The following FRMD4B variants were observed in gnomAD, a reference collection of about 807,000 sequenced individuals.
FRMD4B encodes the protein FERM domain-containing protein 4B.
In FRMD4B, 74 loss-of-function variants were observed where a neutral mutation model predicts 141.5. The observed-to-expected ratio is 0.52, with a 90% confidence interval of 0.43 to 0.63. The LOEUF (loss-of-function observed/expected upper bound fraction) is 0.63. Ranked by LOEUF, FRMD4B falls within the 30% of genes least tolerant of loss-of-function variation. The pLI is 0.00. For missense variants in FRMD4B, 1,366 were observed against 1,253.4 expected, an observed-to-expected ratio of 1.09 and a Z score of -1.36; for synonymous variants, 506 against 467.9, an observed-to-expected ratio of 1.08 and a Z score of -1.05.
At chr3:69,523,341 G>C (rs1700881786) in intron 1 of FRMD4B, among the ~76,000 whole-genome samples, 1 of 152,142 alleles carries the variant, frequency 6.6e-6, no homozygotes, top group Admixed American at 6.5e-5. Flanking sequence ...TGTAAAATAA[G>C]GTTAAGGCCC....
chr3:69,480,370 T>A (rs1328233530), intron 1 of FRMD4B, among the ~76,000 whole-genome samples: 1 of 152,164 alleles, frequency 6.6e-6, no homozygotes, highest in Admixed American at 6.5e-5. Flanking sequence ...GATGGTGATG[T>A]TCAGATGGGT....
chr3:69,515,796 A>G (rs1700747381), intron 1 of FRMD4B, among the ~76,000 whole-genome samples: 1 of 152,242 alleles, frequency 6.6e-6, no homozygotes, highest in African/African-American at 2.4e-5. Context: ...AATGGAAAAT[A>G]TAACGCCGAA....
intron 1 of FRMD4B, among the ~76,000 whole-genome samples, chr3:69,449,376 A>C (rs1447372910): frequency 1.3e-5 from 2 of 152,244 alleles, no homozygotes; most frequent in Non-Finnish European, 2.9e-5. Flanking sequence ...TTGACTTTAA[A>C]AAGGAGCTTA....
At chr3:69,517,842 AC>A (rs1284570155) in intron 1 of FRMD4B, among the ~76,000 whole-genome samples, 6 of 152,060 alleles carry the variant, frequency 3.9e-5, no homozygotes, top group African/African-American at 9.7e-5. Context: ...GGTATAAGAA[AC>A]CCCTGCTGGC....
At chr3:69,455,148 A>G (rs1286203104) in intron 1 of FRMD4B, among the ~76,000 whole-genome samples, 1 of 152,188 alleles carries the variant, frequency 6.6e-6, no homozygotes, top group African/African-American at 2.4e-5. Context: ...AGCTCTCTGT[A>G]AAACAGACCA....
intron 1 of FRMD4B, among the ~76,000 whole-genome samples, chr3:69,339,017 A>AC (rs1435161433): frequency 2.2e-4 from 33 of 151,568 alleles, no homozygotes; most frequent in African/African-American, 7.3e-4. Flanking sequence ...ATCTTTACGC[A>AC]TCCCCCGCCA....
At chr3:69,228,767 A>C (rs1160686967) in intron 7 of FRMD4B, among the ~76,000 whole-genome samples, 5 of 151,936 alleles carry the variant, frequency 3.3e-5, no homozygotes, top group Non-Finnish European at 5.9e-5. Flanking sequence ...CCAGGAGTTC[A>C]AGGCTCTAGT....
intron 2 of FRMD4B, among the ~76,000 whole-genome samples, chr3:69,409,230 C>T (rs899209533): frequency 1.3e-5 from 2 of 152,220 alleles, no homozygotes; most frequent in African/African-American, 2.4e-5. Flanking sequence ...TAGCGGATTC[C>T]GGCTCAGTCT....
intron 2 of FRMD4B, among the ~76,000 whole-genome samples, chr3:69,431,413 C>T (rs1221958689): frequency 2.6e-5 from 4 of 152,162 alleles, no homozygotes; most frequent in African/African-American, 7.2e-5. Flanking sequence ...AGTTAAAGAA[C>T]TGATATCTTC....
intron 1 of FRMD4B, among the ~76,000 whole-genome samples, chr3:69,349,048 T>A (rs1031636299): frequency 1.3e-5 from 2 of 152,256 alleles, no homozygotes; most frequent in Non-Finnish European, 2.9e-5. Context: ...TGTTTGCATA[T>A]GACATGATTG....
intron 3 of FRMD4B, among the ~76,000 whole-genome samples, chr3:69,308,825 T>C (rs1040399436): frequency 6.6e-6 from 1 of 152,178 alleles, no homozygotes. Context: ...GTTTGTAATG[T>C]CTCCCCAAAT....
At chr3:69,314,871 G>A (rs1293472463) in intron 1 of FRMD4B, among the ~76,000 whole-genome samples, 2 of 152,010 alleles carry the variant, frequency 1.3e-5, no homozygotes, top group Non-Finnish European at 2.9e-5. Context: ...TCATTGGTGT[G>A]TTTAACGTCT....
intron 11 of FRMD4B, among the ~76,000 whole-genome samples, chr3:69,201,356 CAA>C (rs988581590): frequency 6.6e-6 from 1 of 151,994 alleles, no homozygotes; most frequent in Non-Finnish European, 1.5e-5. Flanking sequence ...TGAAAAATGA[CAA>C]AATATTAGTA....
chr3:69,452,340 C>T (rs1199634020), intron 1 of FRMD4B, among the ~76,000 whole-genome samples: 1 of 152,206 alleles, frequency 6.6e-6, no homozygotes, highest in African/African-American at 2.4e-5. Context: ...GATTGGCATG[C>T]TTAAGTAGAA....
At position 69,216,267 on chromosome 3, in the gene FRMD4B, C is replaced by A. The variant is rs201203228; in HGVS notation, c.872G>T (p.Arg291Leu). ...CCTAAAGTGATCCACACTTACCTTC[C>A]GAGGCTTCACCTTGTCTTGTATATC... ...QYDIQDKVKP[R>L]KLFQWKQLEN... Residue 291 changes from arginine to leucine, a missense_variant, in exon 11 of 23, where the codon CGG becomes CTG. Arg to Leu is a moderately radical substitution (Grantham distance 102, BLOSUM62 -2). Coordinates refer to ENST00000398540, the MANE Select transcript of FRMD4B (RefSeq NM_015123.3). The A allele has an allele frequency of 2.0e-6, 3 of 1,513,592 alleles. No individual in the cohort carries two copies. The highest frequency in any genetic ancestry group is 2.7e-6 in the Non-Finnish European group (3 of 1,100,728). The allele number at this position is 1,513,592 out of a possible 1,614,324, so 93.8% of individuals were successfully genotyped here.
intron 1 of FRMD4B, among the ~76,000 whole-genome samples, chr3:69,365,501 CT>C (rs1275887165): frequency 1.5e-5 from 2 of 136,184 alleles, no homozygotes; most frequent in Non-Finnish European, 3.1e-5. Flanking sequence ...TAGATACAAC[CT>C]TTGTTTTTTT....
intron 1 of FRMD4B, among the ~76,000 whole-genome samples, chr3:69,447,528 C>T (rs1443852901): frequency 6.6e-6 from 1 of 152,154 alleles, no homozygotes; most frequent in East Asian, 1.9e-4. Flanking sequence ...TTACCCACCA[C>T]CACAATCAAG....
intron 1 of FRMD4B, among the ~76,000 whole-genome samples, chr3:69,463,959 A>C (rs945300699): frequency 6.6e-6 from 1 of 152,226 alleles, no homozygotes; most frequent in African/African-American, 2.4e-5. Flanking sequence ...CACAGCAGGC[A>C]GGTTGCTGAA....
Position 69,172,109 on chromosome 3 carries a change from A to G in FRMD4B, c.2985-128T>C, listed in dbSNP as rs2092593901. On this transcript the variant is annotated intron_variant, in intron 22 of 22. Transcript: ENST00000398540. ...AAAAATTTCCCAAAATGTAGAGATAAGGGAAAGGAGAAGGGTGACTGCATG... is the reference window on the plus strand; with the variant it reads ...AAAAATTTCCCAAAATGTAGAGATAGGGGAAAGGAGAAGGGTGACTGCATG... 1.2e-4 allele frequency: 89 copies of G among 748,340 alleles called. 2 individuals carry two copies. In the South Asian group the frequency reaches 1.4e-3, roughly 12 times the overall value. The allele number at this position is 748,340 out of a possible 1,614,324, so 46.4% of individuals were successfully genotyped here.
Sources: allele counts gnomAD v4.1 joint callset (sites outside exome capture counted in the v4.1 genomes callset), GRCh38; gene constraint gnomAD v4.1.1; transcripts MANE v1.5; gene names NCBI Gene and HGNC (gene_info 2026-07-23, HGNC 2026-07-21).